The following SEL1L variants were observed in gnomAD, a reference collection of about 807,000 sequenced individuals.
SEL1L encodes SEL1L adaptor subunit of SYVN1 ubiquitin ligase.
A neutral mutation model predicts 109.8 loss-of-function variants in SEL1L; 52 were observed. The ratio of observed to expected loss-of-function variants is 0.47; its 90% CI spans 0.38 to 0.60. The LOEUF is 0.60. SEL1L is among the 20% of genes least tolerant of loss of function. The pLI, the probability that SEL1L is intolerant of heterozygous loss-of-function variation, is 0.00. For missense variants in SEL1L, 749 were observed against 962.2 expected, an observed-to-expected ratio of 0.78 and a Z score of 2.93; for synonymous variants, 373 against 339.6, an observed-to-expected ratio of 1.10 and a Z score of -1.08.
chr14:81,524,695 A>T (rs1350198571), intron 3 of SEL1L, among the ~76,000 whole-genome samples: 1 of 152,132 alleles, frequency 6.6e-6, no homozygotes, highest in Non-Finnish European at 1.5e-5. Flanking sequence ...AACATGGTGA[A>T]ACCCCAACTC....
chr14:81,516,271 G>A (rs1169901997), intron 3 of SEL1L, among the ~76,000 whole-genome samples: 1 of 152,100 alleles, frequency 6.6e-6, no homozygotes, highest in African/African-American at 2.4e-5. Context: ...CCTGGACACT[G>A]TGGCCTTCTC....
Position 81,487,532 on chromosome 14 carries a change from A to G in SEL1L, c.1490T>C (p.Ile497Thr). The G allele has an allele frequency of 6.3e-7, 1 of 1,594,212 alleles. No individual in the cohort carries two copies. The highest frequency in any genetic ancestry group is 8.5e-7 in the Non-Finnish European group (1 of 1,175,852). ...CTGTTTATAATCTCTCTTGACTCCA[A>G]TGCCATCTGTAAGAAAAAAAAAAAT... ...LQLGSMYYNG[I>T]GVKRDYKQAL... Residue 497 changes from isoleucine to threonine, a missense_variant, in exon 16 of 21, where the codon ATT becomes ACT. Physicochemically the swap from Ile to Thr is moderately conservative, Grantham distance 89. Coordinates refer to ENST00000336735, the MANE Select transcript of SEL1L (RefSeq NM_005065.6).
At chr14:81,484,087 A>G in intron 19 of SEL1L, 138 bp downstream of exon 19, 2 of 852,464 alleles carry the variant, frequency 2.3e-6, no homozygotes, top group Non-Finnish European at 3.7e-6. Context: ...CAGTCTTCTG[A>G]AATATTACAA....
rs773885807 is a variant in SEL1L, at chr14:81,506,027, C to T, written c.508+47G>A. ...AGAAAAAGGCCTTAAAAACATTGCC[C>T]TAGACATAAAGCAATGCAGATCTGC... On this transcript the variant is annotated intron_variant, in intron 4 of 20. Transcript: ENST00000336735. 4 of 1,581,648 alleles carry T rather than the reference C, an allele frequency of 2.5e-6. No individual in the cohort carries two copies. The East Asian group carries it at 6.8e-5, about 27-fold the overall frequency.
In SEL1L at chr14:81,533,694, GCTCAGCAGCACCGCA is replaced by G; in HGVS notation, c.36_50del (p.Ala13_Ser17del). ...ACTGACCCGAGGACGCCGAGGCCAAGCTCAGCAGCACCGCACACAGCAGCAGCGTCAGCCCTATCC... is the reference window on the plus strand; with the variant it reads ...ACTGACCCGAGGACGCCGAGGCCAAGCACAGCAGCAGCGTCAGCCCTATCC... On this transcript the variant is annotated inframe_deletion, in exon 1 of 21. Coordinates refer to ENST00000336735, the MANE Select transcript of SEL1L (RefSeq NM_005065.6). 1 of 1,613,496 alleles carries G rather than the reference GCTCAGCAGCACCGCA, an allele frequency of 6.2e-7. No individual in the cohort carries two copies. The highest frequency in any genetic ancestry group is 8.5e-7 in the Non-Finnish European group (1 of 1,179,856).
chr14:81,527,738 T>G lies in SEL1L; in HGVS notation c.71A>C (p.Asp24Ala). 1 of 1,600,712 alleles carries G rather than the reference T, an allele frequency of 6.2e-7. No individual in the cohort carries two copies. The highest frequency in any genetic ancestry group is 8.5e-7 in the Non-Finnish European group (1 of 1,172,188). ...VLLSLASASSDEEGSQDESLD... is the reference protein window; with the variant it reads ...VLLSLASASSAEEGSQDESLD... Reference sequence around the variant, plus strand: ...GGATTCATCCTGGCTGCCTTCTTCATCTGCAAAGAAATTTTAAGACAATTT... The same window carrying G: ...GGATTCATCCTGGCTGCCTTCTTCAGCTGCAAAGAAATTTTAAGACAATTT... Residue 24 changes from aspartate (D) to alanine (A), a missense_variant and splice_region_variant, in exon 2 of 21, where the codon GAT becomes GCT. By Grantham distance (126) the Asp-to-Ala change is moderately radical. Around this residue, in one of 2 missense-constraint regions of SEL1L, gnomAD observed 366 missense variants for 399.8 expected, o/e 0.92. Transcript: ENST00000336735.
intron 8 of SEL1L, chr14:81,499,218 T>A (rs1883901401): frequency 8.3e-7 from 1 of 1,206,452 alleles, no homozygotes; most frequent in Non-Finnish European, 1.0e-6. Flanking sequence ...CAGATCTCTC[T>A]TTTTAGGGGC....
rs766387251 is a variant in SEL1L, at chr14:81,490,439, T to G, written c.1281A>C (p.Val427=). ...GGAGAGCTGTCTCATTACTCTGAGG[T>G]ACAATGTCACTTCCTTCCGAATACA... is the stretch of plus-strand genomic sequence containing the variant. The part of the protein sequence containing the change: ...GKMYSEGSDI[V]PQSNETALHY... Residue 427 remains valine (V), a synonymous_variant, in exon 13 of 21, where the codon GTA becomes GTC. Transcript: ENST00000336735. The G allele has an allele frequency of 1.4e-5, 23 of 1,613,828 alleles. No homozygotes were observed. The highest frequency in any genetic ancestry group is 5.3e-5 in the African/African-American group (4 of 74,926).
Position 81,490,253 on chromosome 14 carries a change from T to C in SEL1L, c.1332+135A>G, listed in dbSNP as rs1015903153. 7 of 624,810 alleles carry C rather than the reference T, an allele frequency of 1.1e-5. No individual in the cohort carries two copies. The African/African-American group carries it at 1.2e-4, about 10-fold the overall frequency. The allele number at this position is 624,810 out of a possible 1,614,324, so 38.7% of individuals were successfully genotyped here. ...GCTTTGTTTAATTAATACATTCACATGAATCATACTTAATATGCAGTTTCA... is the reference window on the plus strand; with the variant it reads ...GCTTTGTTTAATTAATACATTCACACGAATCATACTTAATATGCAGTTTCA... On this transcript the variant is annotated intron_variant, in intron 13 of 20. Coordinates refer to ENST00000336735, the MANE Select transcript of SEL1L (RefSeq NM_005065.6).
At chr14:81,496,043 G>A (rs886517339) in intron 10 of SEL1L, among the ~76,000 whole-genome samples, 3 of 152,168 alleles carry the variant, frequency 2.0e-5, no homozygotes, top group Non-Finnish European at 2.9e-5. Context: ...CTGAATTTGG[G>A]CCGGGCGCGG....
chr14:81,489,671 C>CCAGTGTTA (rs1883466729), intron 13 of SEL1L, among the ~76,000 whole-genome samples: 1 of 152,106 alleles, frequency 6.6e-6, no homozygotes, highest in South Asian at 2.1e-4. Flanking sequence ...CTGGTAACAT[C>CCAGTGTTA]CCACTCCAAT....
At chr14:81,503,431 C>T (rs919127251) in intron 5 of SEL1L, among the ~76,000 whole-genome samples, 12 of 151,968 alleles carry the variant, frequency 7.9e-5, no homozygotes, top group Admixed American at 4.6e-4. Flanking sequence ...TCTCTACCTT[C>T]CAAGTTCAAG....
chr14:81,513,220 A>G (rs1366840958), intron 3 of SEL1L, among the ~76,000 whole-genome samples: 2 of 152,192 alleles, frequency 1.3e-5, no homozygotes, highest in Non-Finnish European at 2.9e-5. Context: ...TTAGCAGGAC[A>G]TGGGCAGGGC....
intron 1 of SEL1L, among the ~76,000 whole-genome samples, chr14:81,532,880 C>CTTA (rs1885385987): frequency 6.6e-6 from 1 of 151,952 alleles, no homozygotes; most frequent in Non-Finnish European, 1.5e-5. Context: ...CTTAGAAACA[C>CTTA]GAAGTTTTCA....
chr14:81,519,814 A>G (rs1884838988), intron 3 of SEL1L, among the ~76,000 whole-genome samples: 1 of 152,234 alleles, frequency 6.6e-6, no homozygotes, highest in South Asian at 2.1e-4. Context: ...GGAATGAGGA[A>G]GGCATCCTAA....
chr14:81,488,510 T>C (rs1883412717), intron 14 of SEL1L, among the ~76,000 whole-genome samples: 1 of 152,132 alleles, frequency 6.6e-6, no homozygotes, highest in Non-Finnish European at 1.5e-5. Context: ...CTCTTAAACC[T>C]AGCTCTTAGT....
intron 1 of SEL1L, among the ~76,000 whole-genome samples, chr14:81,531,715 T>C (rs1353427323): frequency 1.3e-5 from 2 of 152,062 alleles, no homozygotes; most frequent in South Asian, 2.1e-4. Flanking sequence ...CCATCACACC[T>C]GGAGTTACGT....
intron 3 of SEL1L, among the ~76,000 whole-genome samples, chr14:81,517,931 T>A (rs574875464): frequency 2.3e-3 from 312 of 137,526 alleles, no homozygotes; most frequent in African/African-American, 0.01. Context: ...GGGACTGAAC[T>A]TCTTCTTCTT....
intron 1 of SEL1L, among the ~76,000 whole-genome samples, chr14:81,530,754 G>A (rs1042467192): frequency 6.6e-6 from 1 of 152,168 alleles, no homozygotes; most frequent in Non-Finnish European, 1.5e-5. Flanking sequence ...ACGAGGATAT[G>A]TTCTGAAAAG....
Sources: allele counts gnomAD v4.1 joint callset (sites outside exome capture counted in the v4.1 genomes callset), GRCh38; gene constraint gnomAD v4.1.1; regional missense constraint gnomAD v4.1.1; transcripts MANE v1.5; gene names NCBI Gene and HGNC (gene_info 2026-07-23, HGNC 2026-07-21).